THSD4: variants seen among roughly 807,000 people sequenced by gnomAD.
THSD4 encodes the protein thrombospondin type-1 domain-containing protein 4.
THSD4 carries 69 observed loss-of-function variants against 119.0 expected under a neutral mutation model. That is an observed-to-expected ratio of 0.58 (90% CI 0.48 to 0.71). THSD4 has a LOEUF of 0.71. THSD4 is among the 30% of genes least tolerant of loss of function. The probability of loss-of-function intolerance (pLI) is 0.00; values close to 1 mark genes in which losing one functional copy is unlikely to be tolerated. For missense variants in THSD4, 1,393 were observed against 1,391.1 expected (o/e 1.00, Z -0.02); for synonymous variants, 524 against 540.4 (o/e 0.97, Z 0.42).
chr15:71,422,310 G>A (rs1034339082), intron 7 of THSD4, among the ~76,000 whole-genome samples: 10 of 152,118 alleles, frequency 6.6e-5, no homozygotes, highest in Middle Eastern at 3.2e-3. Flanking sequence ...GTTTGTACTC[G>A]TCCTTCTTTA....
chr15:71,612,876 C>G (rs1447593876), intron 7 of THSD4, among the ~76,000 whole-genome samples: 1 of 152,184 alleles, frequency 6.6e-6, no homozygotes, highest in Non-Finnish European at 1.5e-5. Context: ...AGACAGAACT[C>G]TATTGCCATC....
At chr15:71,402,234 A>AG (rs898299512) in intron 6 of THSD4, among the ~76,000 whole-genome samples, 1 of 151,976 alleles carries the variant, frequency 6.6e-6, no homozygotes, top group Non-Finnish European at 1.5e-5. Context: ...ATAATTAAAA[A>AG]AAAAAAGAAA....
chr15:71,286,403 C>A (rs1189140842), intron 6 of THSD4, among the ~76,000 whole-genome samples: 1 of 152,188 alleles, frequency 6.6e-6, no homozygotes, highest in African/African-American at 2.4e-5. Context: ...TAAGTGAGAA[C>A]ATGCAGTATT....
chr15:71,497,656 T>A (rs2048044790), intron 7 of THSD4, among the ~76,000 whole-genome samples: 1 of 152,170 alleles, frequency 6.6e-6, no homozygotes, highest in African/African-American at 2.4e-5. Context: ...TAAAGTTTAA[T>A]CTTTTAAGAA....
At chr15:71,744,968 G>C in intron 11 of THSD4, 138 bp from the exon 12 acceptor site, 1 of 1,069,096 alleles carries the variant, frequency 9.4e-7, no homozygotes, top group Non-Finnish European at 1.3e-6. Flanking sequence ...GGGAGCGTAA[G>C]TGTGCATGCA....
intron 7 of THSD4, among the ~76,000 whole-genome samples, chr15:71,479,456 A>G (rs2047697675): frequency 6.6e-6 from 1 of 152,044 alleles, no homozygotes; most frequent in African/African-American, 2.4e-5. Flanking sequence ...TTGGGGTTTT[A>G]TGGAAGGATC....
intron 7 of THSD4, among the ~76,000 whole-genome samples, chr15:71,575,122 C>G (rs1282450305): frequency 6.6e-6 from 1 of 152,170 alleles, no homozygotes; most frequent in Admixed American, 6.5e-5. Flanking sequence ...AGATTACTCT[C>G]TTGTCTCAGC....
At chr15:71,207,028 C>A (rs1268675763) in intron 3 of THSD4, among the ~76,000 whole-genome samples, 2 of 152,126 alleles carry the variant, frequency 1.3e-5, no homozygotes, top group African/African-American at 4.8e-5. Context: ...TTATATTTGA[C>A]ATTTTTCAAT....
Position 71,737,738 on chromosome 15 carries a change from C to A in THSD4, c.1637C>A (p.Pro546His). 1 of 1,608,204 alleles carries A rather than the reference C, an allele frequency of 6.2e-7. No individual in the cohort carries two copies. Among genetic ancestry groups the A allele is most frequent in the Non-Finnish European group, 8.5e-7 (1 of 1,176,992 alleles). Residue 546 changes from proline to histidine, a missense_variant, in exon 11 of 18, where the codon CCC becomes CAC. By Grantham distance (77) the Pro-to-His change is moderately conservative (BLOSUM62 -2). Coordinates refer to ENST00000261862, the MANE Select transcript of THSD4 (RefSeq NM_024817.3). ...QVPPHRRPGEPFNGQMVTEGR... is the reference protein window; with the variant it reads ...QVPPHRRPGEHFNGQMVTEGR... ...GCACGCTCACCTCTCCTAGGGGAACCCTTCAATGGCCAGATGGTGACAGAA... is the reference window on the plus strand; with the variant it reads ...GCACGCTCACCTCTCCTAGGGGAACACTTCAATGGCCAGATGGTGACAGAA...
intron 8 of THSD4, among the ~76,000 whole-genome samples, chr15:71,689,029 A>G (rs901029703): frequency 3.3e-5 from 5 of 152,198 alleles, no homozygotes; most frequent in African/African-American, 1.2e-4. Context: ...CTGGCAGGCA[A>G]GAGCCAGGGA....
intron 7 of THSD4, among the ~76,000 whole-genome samples, chr15:71,639,687 TTAAA>T (rs1340531121): frequency 8.5e-5 from 13 of 152,204 alleles, no homozygotes; most frequent in African/African-American, 1.9e-4. Context: ...AAACAACTTA[TTAAA>T]TTGTGAATCA....
intron 6 of THSD4, among the ~76,000 whole-genome samples, chr15:71,325,579 C>G (rs2045326816): frequency 6.6e-6 from 1 of 152,192 alleles, no homozygotes; most frequent in Non-Finnish European, 1.5e-5. Flanking sequence ...CAGTCACAGT[C>G]CTCCCTGGAA....
At chr15:71,635,364 AACACAC>A (rs10565218) in intron 7 of THSD4, among the ~76,000 whole-genome samples, 6 of 150,120 alleles carry the variant, frequency 4.0e-5, no homozygotes, top group Non-Finnish European at 3.0e-5. Flanking sequence ...AGTGGGTGGG[AACACAC>A]ACACACACAC....
chr15:71,628,670 C>T (rs759343220), intron 7 of THSD4, among the ~76,000 whole-genome samples: 16 of 152,142 alleles, frequency 1.1e-4, no homozygotes, highest in East Asian at 9.6e-4. Flanking sequence ...TGACACTTTG[C>T]GTAACAAGGG....
At chr15:71,164,264 C>T (rs972909429) in intron 3 of THSD4, among the ~76,000 whole-genome samples, 2 of 151,720 alleles carry the variant, frequency 1.3e-5, no homozygotes, top group African/African-American at 4.9e-5. Flanking sequence ...GACTAGCTTC[C>T]CCTCAAGAAG....
intron 6 of THSD4, among the ~76,000 whole-genome samples, chr15:71,392,563 T>C (rs1180256926): frequency 6.6e-6 from 1 of 152,212 alleles, no homozygotes; most frequent in Non-Finnish European, 1.5e-5. Context: ...GTAGTTTGTC[T>C]AAAGGCCTAA....
chr15:71,504,344 T>A (rs2048158092), intron 7 of THSD4, among the ~76,000 whole-genome samples: 1 of 152,204 alleles, frequency 6.6e-6, no homozygotes, highest in Non-Finnish European at 1.5e-5. Flanking sequence ...GAAGCTGAGA[T>A]AATTAAAGGT....
At chr15:71,658,359 C>T (rs1383462412) in intron 7 of THSD4, among the ~76,000 whole-genome samples, 2 of 152,160 alleles carry the variant, frequency 1.3e-5, no homozygotes, top group Non-Finnish European at 2.9e-5. Flanking sequence ...ACAGAAGGAC[C>T]CCTATGAGAA....
Position 71,141,570 on chromosome 15 carries a change from CT to C in THSD4, c.29+21del, listed in dbSNP as rs2040604719. 4 of 1,603,594 alleles carry C rather than the reference CT, an allele frequency of 2.5e-6. No individual in the cohort carries two copies. Among genetic ancestry groups the C allele is most frequent in the South Asian group, 1.1e-5 (1 of 88,468 alleles). ...GGGGTCTCTCAGGTAAGTGAAGAAA[CT>C]TTTTTTAAAAAAACAGGAGAATAAG... On this transcript the variant is annotated intron_variant, in intron 2 of 17. Transcript: ENST00000261862.
Sources: allele counts gnomAD v4.1 joint callset (sites outside exome capture counted in the v4.1 genomes callset), GRCh38; gene constraint gnomAD v4.1.1; transcripts MANE v1.5; gene names NCBI Gene and HGNC (gene_info 2026-07-23, HGNC 2026-07-21).